PCDHA9: variants seen among roughly 807,000 people sequenced by gnomAD.
PCDHA9 encodes protocadherin alpha-9.
Under a neutral mutation model 62.0 loss-of-function variants are expected in PCDHA9, and 62 were observed. The ratio of observed to expected loss-of-function variants is 1.00; its 90% CI spans 0.81 to 1.23. PCDHA9 has a LOEUF of 1.23. Ranked by LOEUF, PCDHA9 falls within the 50% of genes most tolerant of loss-of-function variation. PCDHA9 has a pLI of 0.00. For missense variants in PCDHA9, 1,205 were observed against 1,249.8 expected, an observed-to-expected ratio of 0.96 and a Z score of 0.54; for synonymous variants, 557 against 567.6, an observed-to-expected ratio of 0.98 and a Z score of 0.27.
At chr5:140,941,210 T>TCTTCCTTTCTTTCTTC (rs2092851427) in intron 1 of PCDHA9, among the ~76,000 whole-genome samples, 1 of 100,630 alleles carries the variant, frequency 9.9e-6, no homozygotes, top group South Asian at 2.9e-4. Context: ...TTCCTTTCTT[T>TCTTCCTTTCTTTCTTC]CTTCCTTTCT....
At chr5:140,895,636 T>C (rs1554186575) in intron 1 of PCDHA9, among the ~76,000 whole-genome samples, 1 of 152,178 alleles carries the variant, frequency 6.6e-6, no homozygotes, top group Non-Finnish European at 1.5e-5. Context: ...TTTCACATTC[T>C]TTTTTAGCTC....
chr5:140,868,901 C>T lies in PCDHA9; in HGVS notation c.2394+18012C>T, dbSNP rs1408967625. 6 of 828,816 alleles carry T rather than the reference C, an allele frequency of 7.2e-6. No homozygotes were observed. In the African/African-American group the frequency reaches 1.0e-4, roughly 14 times the overall value. The allele number at this position is 828,816 out of a possible 1,614,324, so 51.3% of individuals were successfully genotyped here. ...TCACAGTTTTAGGCGCAAGGTGTCG[C>T]TCTTTACTTGGTGGAAAGTTCATTT... On this transcript the variant is annotated intron_variant, in intron 1 of 3. Transcript: ENST00000532602.
Position 140,993,460 on chromosome 5 carries a change from T to TCC in PCDHA9, c.2542+10898_2542+10899insCC, listed in dbSNP as rs1554253699. ...TTCATTCCTGTTCTCCTTCTTTCTT[T>TCC]CTCACACACACACACACACACACAC... On this transcript the variant is annotated intron_variant, in intron 3 of 3. Coordinates refer to ENST00000532602, the MANE Select transcript of PCDHA9 (RefSeq NM_031857.2). Among the ~76,000 whole-genome samples, 535 of 104,558 alleles carry TCC rather than the reference T, an allele frequency of 5.1e-3. 5 individuals carry two copies. Among genetic ancestry groups the TCC allele is most frequent in the African/African-American group, 0.02 (517 of 25,554 alleles). The allele number at this position is 104,558 out of a possible 152,430, so 68.6% of individuals were successfully genotyped here. A position where few individuals can be genotyped will look rare whatever the true frequency, so the allele number is the denominator to read the frequency against.
chr5:140,869,885 T>C (rs2051479155), intron 1 of PCDHA9: 7 of 1,610,426 alleles, frequency 4.3e-6, no homozygotes, highest in South Asian at 1.1e-5. Context: ...GAAACTCTTG[T>C]GCTCAAACTA....
At chr5:140,956,565 A>G (rs190736286) in intron 1 of PCDHA9, among the ~76,000 whole-genome samples, 2 of 152,284 alleles carry the variant, frequency 1.3e-5, no homozygotes, top group Non-Finnish European at 2.9e-5. Flanking sequence ...TATCTTATTG[A>G]GGATTTTTGC....
At chr5:140,884,281 G>C in intron 1 of PCDHA9, 4 of 1,613,614 alleles carry the variant, frequency 2.5e-6, no homozygotes, top group Non-Finnish European at 3.4e-6. Flanking sequence ...CGCTGGTGGA[G>C]AGCGGCCAAG....
At chr5:140,996,302 CAA>C (rs2097720989) in intron 3 of PCDHA9, among the ~76,000 whole-genome samples, 1 of 152,274 alleles carries the variant, frequency 6.6e-6, no homozygotes, top group Non-Finnish European at 1.5e-5. Flanking sequence ...CAGATTGTAA[CAA>C]AGTAAGGGGG....
At chr5:140,851,730 T>G in intron 1 of PCDHA9, 1 of 971,134 alleles carries the variant, frequency 1.0e-6, no homozygotes, top group Non-Finnish European at 1.2e-6. Context: ...TTCGAGTTCT[T>G]TTGAAATTCA....
In PCDHA9 at chr5:140,877,149, C is replaced by G. The variant is rs2056888845; in HGVS notation, c.2394+26260C>G. The G allele has an allele frequency of 2.5e-6, 4 of 1,613,648 alleles. No individual in the cohort carries two copies. The highest frequency in any genetic ancestry group is 1.1e-5 in the South Asian group (1 of 91,078). On this transcript the variant is annotated intron_variant, in intron 1 of 3. Coordinates refer to ENST00000532602, the MANE Select transcript of PCDHA9 (RefSeq NM_031857.2). ...TGCAGGTGTTCGTGCTGGACGAGAA[C>G]GACAACGCGCCGGCACTGCTGGCGA... is the stretch of plus-strand genomic sequence containing the variant.
At chr5:140,919,406 T>C (rs1325443914) in intron 1 of PCDHA9, among the ~76,000 whole-genome samples, 1 of 152,254 alleles carries the variant, frequency 6.6e-6, no homozygotes, top group East Asian at 1.9e-4. Flanking sequence ...CTAAAAACTC[T>C]AGACTGACAA....
Position 140,850,129 on chromosome 5 carries a change from TG to T in PCDHA9, c.1637del (p.Gly546AlafsTer4), listed in dbSNP as rs2150469009. On this transcript the variant is annotated frameshift_variant, in exon 1 of 4. Coordinates refer to ENST00000532602, the MANE Select transcript of PCDHA9 (RefSeq NM_031857.2). LOFTEE classifies it high-confidence loss of function. Reference sequence around the variant, plus strand: ...GCGCGCGACGCGGGCGTGCCGCCTCTGGGCAGCAACGTGACGCTGCAGGTGT... The same window carrying T: ...GCGCGCGACGCGGGCGTGCCGCCTCTGGCAGCAACGTGACGCTGCAGGTGT... ...VSARDAGVPP[L>X]GSNVTLQVFV... 23 of 1,595,784 alleles carry T rather than the reference TG, an allele frequency of 1.4e-5. 1 individual carries two copies. The South Asian group carries it at 2.4e-4, about 17-fold the overall frequency.
At chr5:140,964,629 T>C (rs1315614801) in intron 1 of PCDHA9, among the ~76,000 whole-genome samples, 1 of 152,028 alleles carries the variant, frequency 6.6e-6, no homozygotes, top group Non-Finnish European at 1.5e-5. Context: ...TTATAAGCCA[T>C]TTATTTTCAG....
intron 1 of PCDHA9, among the ~76,000 whole-genome samples, chr5:140,901,404 G>C (rs1047085666): frequency 6.6e-6 from 1 of 152,166 alleles, no homozygotes; most frequent in East Asian, 1.9e-4. Flanking sequence ...GTGAGAGATA[G>C]GGGTCTAGTT....
intron 1 of PCDHA9, among the ~76,000 whole-genome samples, chr5:140,903,944 A>G (rs1554191212): frequency 6.6e-6 from 1 of 152,192 alleles, no homozygotes; most frequent in African/African-American, 2.4e-5. Context: ...CCTCTTAAAT[A>G]CTGGAAAATT....
At chr5:140,895,389 C>T (rs553681530) in intron 1 of PCDHA9, among the ~76,000 whole-genome samples, 1 of 152,098 alleles carries the variant, frequency 6.6e-6, no homozygotes, top group South Asian at 2.1e-4. Context: ...CTTCAATTCT[C>T]AACACCATCA....
chr5:140,978,778 T>C, intron 1 of PCDHA9, 171 bp from the exon 2 acceptor site: 1 of 968,888 alleles, frequency 1.0e-6, no homozygotes, highest in Non-Finnish European at 1.2e-6. Context: ...CTAATTTTCT[T>C]CTAAAGTGCT....
chr5:140,927,110 G>A, intron 1 of PCDHA9: 2 of 1,613,752 alleles, frequency 1.2e-6, no homozygotes, highest in Non-Finnish European at 1.7e-6. Flanking sequence ...CTACCCAGCG[G>A]CAATTTGGTG....
At chr5:140,965,402 G>A (rs1554227671) in intron 1 of PCDHA9, among the ~76,000 whole-genome samples, 1 of 152,112 alleles carries the variant, frequency 6.6e-6, no homozygotes, top group Non-Finnish European at 1.5e-5. Context: ...AGTCTAAGGA[G>A]TCTTATATTT....
intron 1 of PCDHA9, among the ~76,000 whole-genome samples, chr5:140,953,382 G>A (rs1554220887): frequency 6.6e-6 from 1 of 152,142 alleles, no homozygotes; most frequent in Admixed American, 6.6e-5. Context: ...ACCCCTCTCA[G>A]TTGTGGATTA....
Sources: gnomAD v4.1 joint callset for allele counts (sites outside exome capture counted in the v4.1 genomes callset) on GRCh38, gnomAD v4.1.1 for gene constraint, MANE v1.5 for transcripts, NCBI Gene and HGNC (gene_info 2026-07-23, HGNC 2026-07-21) for gene names.